Variants in CCDC85A observed in about 807,000 individuals in gnomAD.
CCDC85A encodes the protein coiled-coil domain containing 85A.
A neutral mutation model predicts 50.2 loss-of-function variants in CCDC85A; 38 were observed. That is an observed-to-expected ratio of 0.76 (90% CI 0.58 to 0.99). CCDC85A has a LOEUF of 0.99. CCDC85A is among the 50% of genes least tolerant of loss of function. CCDC85A has a pLI of 0.00. For missense variants in CCDC85A, 820 were observed against 742.0 expected (o/e 1.11, Z -1.22); for synonymous variants, 366 against 301.4 (o/e 1.21, Z -2.22).
chr2:56,320,393 C>A (rs1673121363), intron 2 of CCDC85A, among the ~76,000 whole-genome samples: 1 of 151,786 alleles, frequency 6.6e-6, no homozygotes, highest in African/African-American at 2.4e-5. Flanking sequence ...AGACCACTAG[C>A]AAGACTAATA....
intron 2 of CCDC85A, among the ~76,000 whole-genome samples, chr2:56,279,588 C>T (rs1671114670): frequency 6.6e-6 from 1 of 152,104 alleles, no homozygotes; most frequent in Admixed American, 6.5e-5. Flanking sequence ...CTCTAACCAC[C>T]CAAGCTTTTG....
chr2:56,217,386 C>T (rs1448770166), intron 2 of CCDC85A, among the ~76,000 whole-genome samples: 1 of 151,888 alleles, frequency 6.6e-6, no homozygotes, highest in Non-Finnish European at 1.5e-5. Flanking sequence ...GTGTGCTTCA[C>T]AGTTTGCATT....
intron 2 of CCDC85A, among the ~76,000 whole-genome samples, chr2:56,231,091 G>C (rs979272507): frequency 6.6e-6 from 1 of 152,090 alleles, no homozygotes; most frequent in Non-Finnish European, 1.5e-5. Context: ...TTAGTTCCTC[G>C]AATACTACTT....
chr2:56,283,088 T>A (rs994291954), intron 2 of CCDC85A, among the ~76,000 whole-genome samples: 1 of 152,174 alleles, frequency 6.6e-6, no homozygotes, highest in African/African-American at 2.4e-5. Context: ...CAATCATGTA[T>A]CTGCAAATAA....
intron 2 of CCDC85A, among the ~76,000 whole-genome samples, chr2:56,275,428 A>G (rs985781283): frequency 2.0e-5 from 3 of 152,054 alleles, no homozygotes; most frequent in Non-Finnish European, 4.4e-5. Flanking sequence ...TCACTGCTAT[A>G]GGTGCCATTT....
At chr2:56,355,172 T>C (rs1675159757) in intron 3 of CCDC85A, among the ~76,000 whole-genome samples, 2 of 152,278 alleles carry the variant, frequency 1.3e-5, no homozygotes, top group South Asian at 4.1e-4. Context: ...GGATTGGAGC[T>C]CCCGAGTTTT....
intron 2 of CCDC85A, among the ~76,000 whole-genome samples, chr2:56,225,153 C>T (rs1668490842): frequency 6.6e-6 from 1 of 151,688 alleles, no homozygotes; most frequent in African/African-American, 2.4e-5. Flanking sequence ...GTCCCAGCAC[C>T]ATTTGTTGAA....
chr2:56,201,146 G>A (rs1251292237), intron 2 of CCDC85A, among the ~76,000 whole-genome samples: 1 of 150,584 alleles, frequency 6.6e-6, no homozygotes, highest in African/African-American at 2.4e-5. Context: ...ACAGCATTTA[G>A]TGTTCTTGTA....
chr2:56,372,568 A>C, intron 4 of CCDC85A, 90 bp downstream of exon 4: 2 of 1,332,796 alleles, frequency 1.5e-6, no homozygotes, highest in Non-Finnish European at 2.0e-6. Flanking sequence ...GGGGGGTAGA[A>C]AACAAGTTCA....
At chr2:56,311,671 A>G (rs577066761) in intron 2 of CCDC85A, among the ~76,000 whole-genome samples, 1 of 152,218 alleles carries the variant, frequency 6.6e-6, no homozygotes, top group Admixed American at 6.6e-5. Context: ...ATGTTCAGGC[A>G]CTGTGCTAAG....
chr2:56,357,078 C>CAA (rs199639570), intron 3 of CCDC85A, among the ~76,000 whole-genome samples: 1,317 of 86,862 alleles, frequency 0.015, 14 homozygotes, highest in Middle Eastern at 0.047. Context: ...GACTCCATCT[C>CAA]AAAAAAAAAA....
intron 2 of CCDC85A, among the ~76,000 whole-genome samples, chr2:56,249,443 T>A (rs1208999901): frequency 6.6e-6 from 1 of 151,902 alleles, no homozygotes; most frequent in Non-Finnish European, 1.5e-5. Flanking sequence ...GAGGGTAGAG[T>A]GAATCTGAAG....
At chr2:56,325,471 T>C (rs1420182780) in intron 2 of CCDC85A, among the ~76,000 whole-genome samples, 2 of 152,176 alleles carry the variant, frequency 1.3e-5, no homozygotes, top group African/African-American at 4.8e-5. Context: ...TCTGTTCTAA[T>C]GTCTGTGATG....
chr2:56,200,987 T>C (rs1676709349), intron 2 of CCDC85A, among the ~76,000 whole-genome samples: 1 of 151,848 alleles, frequency 6.6e-6, no homozygotes, highest in African/African-American at 2.4e-5. Flanking sequence ...AGGCCTTCTG[T>C]AGGCTTTTCC....
At chr2:56,194,458 T>A (rs944389097) in intron 2 of CCDC85A, among the ~76,000 whole-genome samples, 1 of 152,232 alleles carries the variant, frequency 6.6e-6, no homozygotes, top group Non-Finnish European at 1.5e-5. Context: ...TTTGTTTTCA[T>A]TGAAAATATC....
chr2:56,312,995 T>C (rs916041197), intron 2 of CCDC85A, among the ~76,000 whole-genome samples: 7 of 152,206 alleles, frequency 4.6e-5, no homozygotes, highest in African/African-American at 1.7e-4. Flanking sequence ...ATGCATTGTC[T>C]TATTTAATTC....
chr2:56,326,337 G>T (rs1265127113), intron 2 of CCDC85A, among the ~76,000 whole-genome samples: 1 of 152,118 alleles, frequency 6.6e-6, no homozygotes, highest in Non-Finnish European at 1.5e-5. Flanking sequence ...TAGGCAAAGT[G>T]CTTGATACAT....
At chr2:56,376,166 G>GT (rs112673050) in intron 5 of CCDC85A, among the ~76,000 whole-genome samples, 51,089 of 152,020 alleles carry the variant, frequency 0.34, 9,674 homozygotes, top group African/African-American at 0.51. Flanking sequence ...TTTGTTTTGA[G>GT]AATGTGATTC....
At chr2:56,305,565 G>A (rs943794390) in intron 2 of CCDC85A, among the ~76,000 whole-genome samples, 6 of 152,242 alleles carry the variant, frequency 3.9e-5, no homozygotes, top group Admixed American at 6.5e-5. Context: ...CAAGGGCACA[G>A]CCCATAGATA....
Sources: allele counts gnomAD v4.1 joint callset (sites outside exome capture counted in the v4.1 genomes callset), GRCh38; gene constraint gnomAD v4.1.1; transcripts MANE v1.5; gene names NCBI Gene and HGNC (gene_info 2026-07-23, HGNC 2026-07-21).